KCNB2: variants seen among roughly 807,000 people sequenced by gnomAD.
KCNB2 encodes delayed rectifier potassium channel protein.
In KCNB2, 15 loss-of-function variants were observed where a neutral mutation model predicts 61.5. The observed-to-expected ratio is 0.24, with a 90% CI of 0.16 to 0.38. KCNB2 has a LOEUF of 0.38. KCNB2 is among the 10% of genes least tolerant of loss of function. The probability of loss-of-function intolerance (pLI) is 1.00; values close to 1 mark genes in which losing one functional copy is unlikely to be tolerated. For synonymous variants in KCNB2, 457 were observed against 446.0 expected, an observed-to-expected ratio of 1.02 and a Z score of -0.31; for missense variants, 828 against 1,125.2, an observed-to-expected ratio of 0.74 and a Z score of 3.78.
At chr8:72,705,940 G>C (rs923300340) in intron 2 of KCNB2, among the ~76,000 whole-genome samples, 7 of 152,168 alleles carry the variant, frequency 4.6e-5, no homozygotes, top group Non-Finnish European at 1.0e-4. Flanking sequence ...ACAAGAAGAG[G>C]ACCAGGTTCC....
chr8:72,839,409 G>A (rs947212168), intron 2 of KCNB2, among the ~76,000 whole-genome samples: 1 of 152,080 alleles, frequency 6.6e-6, no homozygotes, highest in African/African-American at 2.4e-5. Flanking sequence ...GTTAGGCATA[G>A]CAATAGAAAG....
intron 1 of KCNB2, among the ~76,000 whole-genome samples, chr8:72,558,050 G>A (rs1303753252): frequency 6.6e-6 from 1 of 152,108 alleles, no homozygotes; most frequent in African/African-American, 2.4e-5. Flanking sequence ...TTCATTTTTT[G>A]GGGGTAGTCC....
chr8:72,684,494 G>C (rs576084761), intron 2 of KCNB2, among the ~76,000 whole-genome samples: 1 of 152,146 alleles, frequency 6.6e-6, no homozygotes. Context: ...TATTTAAGAC[G>C]CAGGAGCAAG....
chr8:72,760,801 G>A, intron 2 of KCNB2, among the ~76,000 whole-genome samples: 1 of 152,016 alleles, frequency 6.6e-6, no homozygotes, highest in East Asian at 1.9e-4. Flanking sequence ...CCTCAAGTGG[G>A]GTCCACATCA....
At chr8:72,542,296 C>G (rs537849143) in intron 1 of KCNB2, among the ~76,000 whole-genome samples, 2 of 152,098 alleles carry the variant, frequency 1.3e-5, no homozygotes, top group South Asian at 2.1e-4. Flanking sequence ...ATTTTTCACA[C>G]AATTATTAGG....
chr8:72,669,839 A>G (rs1163642950), intron 2 of KCNB2, among the ~76,000 whole-genome samples: 1 of 152,130 alleles, frequency 6.6e-6, no homozygotes. Context: ...CTCGTTGCCT[A>G]CTTTTTCCAG....
intron 2 of KCNB2, among the ~76,000 whole-genome samples, chr8:72,748,773 G>A (rs936417182): frequency 1.3e-5 from 2 of 151,696 alleles, no homozygotes; most frequent in African/African-American, 2.4e-5. Context: ...TGTACATGAT[G>A]TTTTGAAATA....
intron 2 of KCNB2, among the ~76,000 whole-genome samples, chr8:72,667,305 C>T (rs1446065117): frequency 1.3e-5 from 2 of 152,118 alleles, no homozygotes; most frequent in Non-Finnish European, 2.9e-5. Flanking sequence ...TGTATGTGCA[C>T]ACATTCTCTC....
intron 2 of KCNB2, among the ~76,000 whole-genome samples, chr8:72,783,740 G>A (rs763462633): frequency 2.6e-5 from 4 of 152,048 alleles, no homozygotes; most frequent in South Asian, 2.1e-4. Flanking sequence ...TGTTTCCTGC[G>A]TACACCAGGC....
chr8:72,735,155 C>T (rs1402846401), intron 2 of KCNB2, among the ~76,000 whole-genome samples: 1 of 152,108 alleles, frequency 6.6e-6, no homozygotes, highest in African/African-American at 2.4e-5. Flanking sequence ...ATCACAGACT[C>T]CCCAATCCAC....
chr8:72,673,398 G>A (rs1439635636), intron 2 of KCNB2, among the ~76,000 whole-genome samples: 1 of 152,166 alleles, frequency 6.6e-6, no homozygotes, highest in Non-Finnish European at 1.5e-5. Context: ...ATGAGCACTT[G>A]TTCTTCTCCT....
At chr8:72,892,757 A>AT (rs996041996) in intron 2 of KCNB2, among the ~76,000 whole-genome samples, 1 of 151,972 alleles carries the variant, frequency 6.6e-6, no homozygotes, top group Admixed American at 6.6e-5. Context: ...ATTCTTGTTT[A>AT]TTTTTTTCTA....
chr8:72,708,660 T>A (rs1807274540), intron 2 of KCNB2, among the ~76,000 whole-genome samples: 1 of 152,310 alleles, frequency 6.6e-6, no homozygotes, highest in African/African-American at 2.4e-5. Flanking sequence ...TTTCAGTATC[T>A]CCATGAGTCT....
intron 2 of KCNB2, among the ~76,000 whole-genome samples, chr8:72,776,828 C>A (rs905563983): frequency 1.3e-5 from 2 of 152,160 alleles, no homozygotes; most frequent in Admixed American, 6.5e-5. Context: ...AGAGAGGAGA[C>A]CTTGCTGCCT....
intron 2 of KCNB2, among the ~76,000 whole-genome samples, chr8:72,636,040 C>A (rs987474534): frequency 6.6e-6 from 1 of 152,092 alleles, no homozygotes; most frequent in East Asian, 1.9e-4. Flanking sequence ...ACGATTAGAA[C>A]GGTGCATGGC....
chr8:72,681,073 A>G (rs765593972), intron 2 of KCNB2, among the ~76,000 whole-genome samples: 30 of 152,200 alleles, frequency 2.0e-4, no homozygotes, highest in Non-Finnish European at 3.5e-4. Context: ...CTGGTTTTAT[A>G]TTAAAGACAA....
intron 2 of KCNB2, among the ~76,000 whole-genome samples, chr8:72,669,971 T>C (rs929803139): frequency 6.6e-6 from 1 of 152,240 alleles, no homozygotes; most frequent in Non-Finnish European, 1.5e-5. Flanking sequence ...CTGCCAGGCA[T>C]GAGGAGAGCT....
At chr8:72,562,584 T>A (rs1345386088) in intron 1 of KCNB2, among the ~76,000 whole-genome samples, 1 of 152,198 alleles carries the variant, frequency 6.6e-6, no homozygotes, top group Non-Finnish European at 1.5e-5. Flanking sequence ...GAGAAAATAT[T>A]CACTAAGATT....
intron 1 of KCNB2, among the ~76,000 whole-genome samples, chr8:72,561,135 G>A (rs561260393): frequency 9.9e-5 from 15 of 151,662 alleles, no homozygotes; most frequent in Non-Finnish European, 1.3e-4. Context: ...AAAAAGCATC[G>A]GTTATATCAA....
Sources: allele counts gnomAD v4.1 joint callset (sites outside exome capture counted in the v4.1 genomes callset), GRCh38; gene constraint gnomAD v4.1.1; transcripts MANE v1.5; gene names NCBI Gene and HGNC (gene_info 2026-07-23, HGNC 2026-07-21).